MGAT4C: variants seen among roughly 807,000 people sequenced by gnomAD.
MGAT4C encodes alpha-1,3-mannosyl-glycoprotein 4-beta-N-acetylglucosaminyltransferase C.
MGAT4C carries 19 observed loss-of-function variants against 40.1 expected under a neutral mutation model. The observed-to-expected ratio is 0.47, with a 90% CI of 0.33 to 0.70. The LOEUF (loss-of-function observed/expected upper bound fraction) is 0.70, where lower values mean the gene tolerates loss of function less well. Ranked by LOEUF, MGAT4C falls within the 30% of genes least tolerant of loss-of-function variation. The probability of loss-of-function intolerance (pLI) is 0.02; values close to 1 mark genes in which losing one functional copy is unlikely to be tolerated. For synonymous variants in MGAT4C, 181 were observed against 187.1 expected (o/e 0.97, Z 0.27); for missense variants, 491 against 563.2 (o/e 0.87, Z 1.30).
chr12:86,700,018 G>T (rs982561864), intron 2 of MGAT4C, among the ~76,000 whole-genome samples: 1 of 55,572 alleles, frequency 1.8e-5, no homozygotes, highest in Non-Finnish European at 4.3e-5. Context: ...ATGTTGTTCA[G>T]GGGTCAAATT....
intron 3 of MGAT4C, among the ~76,000 whole-genome samples, chr12:86,351,835 T>C (rs1566311826): frequency 6.6e-6 from 1 of 152,084 alleles, no homozygotes; most frequent in Non-Finnish European, 1.5e-5. Context: ...AGAAAAATTC[T>C]GTCAAGGCCA....
chr12:85,989,289 A>C (rs1592620083), intron 3 of MGAT4C, 111 bp downstream of exon 3: 1 of 1,074,880 alleles, frequency 9.3e-7, no homozygotes, highest in East Asian at 2.8e-5. Context: ...AATTTTGCTC[A>C]AACTAAGTCT....
intron 2 of MGAT4C, among the ~76,000 whole-genome samples, chr12:86,571,688 C>A (rs1960373509): frequency 6.6e-6 from 1 of 152,024 alleles, no homozygotes; most frequent in African/African-American, 2.4e-5. Flanking sequence ...AGATTATAAG[C>A]TTTAATCCTA....
chr12:86,178,779 A>T (rs1413425070), intron 1 of MGAT4C, among the ~76,000 whole-genome samples: 1 of 152,136 alleles, frequency 6.6e-6, no homozygotes, highest in East Asian at 1.9e-4. Context: ...ATTATCAGTC[A>T]TGTCCTCAGC....
chr12:86,116,800 A>G (rs1034361310), intron 1 of MGAT4C, among the ~76,000 whole-genome samples: 4 of 152,156 alleles, frequency 2.6e-5, no homozygotes, highest in African/African-American at 9.7e-5. Context: ...AACATACAGG[A>G]TGATTTCACT....
At chr12:86,391,114 A>C (rs1236597035) in intron 3 of MGAT4C, among the ~76,000 whole-genome samples, 2 of 152,158 alleles carry the variant, frequency 1.3e-5, no homozygotes, top group East Asian at 3.9e-4. Context: ...GCAATTTTGC[A>C]ACTGTCAGCA....
chr12:86,446,949 C>T (rs1345794892), intron 2 of MGAT4C, among the ~76,000 whole-genome samples: 1 of 151,502 alleles, frequency 6.6e-6, no homozygotes, highest in African/African-American at 2.4e-5. Context: ...TTTTACTGGG[C>T]CATGCATTAC....
chr12:86,515,251 T>C (rs1958662489), intron 2 of MGAT4C, among the ~76,000 whole-genome samples: 1 of 152,178 alleles, frequency 6.6e-6, no homozygotes, highest in Non-Finnish European at 1.5e-5. Flanking sequence ...AATTCATTTC[T>C]CACTCAATTT....
At chr12:86,641,711 T>A (rs965062130) in intron 2 of MGAT4C, among the ~76,000 whole-genome samples, 37 of 151,746 alleles carry the variant, frequency 2.4e-4, no homozygotes, top group African/African-American at 7.7e-4. Flanking sequence ...AATAGGATTG[T>A]GTGATAACAG....
At chr12:86,476,329 G>A (rs1477507385) in intron 2 of MGAT4C, among the ~76,000 whole-genome samples, 3 of 151,978 alleles carry the variant, frequency 2.0e-5, no homozygotes, top group African/African-American at 7.2e-5. Context: ...AGAAACATAT[G>A]AAACAATGCT....
At chr12:86,558,129 T>G (rs564935625) in intron 2 of MGAT4C, among the ~76,000 whole-genome samples, 52 of 152,176 alleles carry the variant, frequency 3.4e-4, no homozygotes, top group African/African-American at 9.6e-4. Context: ...AAAAAAATTC[T>G]GAACTTGAAA....
intron 1 of MGAT4C, among the ~76,000 whole-genome samples, chr12:86,802,883 A>C (rs1476291546): frequency 7.1e-6 from 1 of 141,092 alleles, no homozygotes; most frequent in African/African-American, 2.6e-5. Context: ...CAAGCTACCA[A>C]TGCCTTTCTT....
rs905262492 is a variant in MGAT4C, at chr12:85,968,586, A to G, written c.*10703T>C. The stretch of plus-strand genomic sequence containing the variant: ...CAACACAGAATAATCTACGCTTGTC[A>G]TCATGTTTTCTAATCTATAATCTTT... On this transcript the variant is annotated 3_prime_UTR_variant, in exon 5 of 5. Transcript: ENST00000611864. 2.0e-5 allele frequency: 3 copies of G among 152,002 alleles called. No homozygotes were observed. Among genetic ancestry groups the G allele is most frequent in the African/African-American group, 4.8e-5 (2 of 41,426 alleles). The allele number at this position is 152,002 out of a possible 1,614,324, so 9.4% of individuals were successfully genotyped here.
At chr12:86,726,063 T>G (rs187563220) in intron 2 of MGAT4C, among the ~76,000 whole-genome samples, 1 of 152,182 alleles carries the variant, frequency 6.6e-6, no homozygotes, top group African/African-American at 2.4e-5. Flanking sequence ...TCGTTTCCAA[T>G]TGAAACTGGA....
chr12:86,722,552 A>G (rs1950754651), intron 2 of MGAT4C, among the ~76,000 whole-genome samples: 1 of 152,206 alleles, frequency 6.6e-6, no homozygotes. Context: ...GACCACCTCA[A>G]AGACTGACCT....
At chr12:86,303,777 C>T (rs1953870644) in intron 4 of MGAT4C, among the ~76,000 whole-genome samples, 1 of 150,292 alleles carries the variant, frequency 6.7e-6, no homozygotes, top group Admixed American at 6.6e-5. Context: ...TTTCATTTTA[C>T]TTTTGCTAGA....
chr12:86,608,151 T>A (rs1205936049), intron 2 of MGAT4C, among the ~76,000 whole-genome samples: 7 of 152,106 alleles, frequency 4.6e-5, no homozygotes, highest in Admixed American at 3.9e-4. Flanking sequence ...AAGTTAGTAA[T>A]CTGATAAGAA....
chr12:86,680,237 AATAT>A (rs1949955894), intron 2 of MGAT4C, among the ~76,000 whole-genome samples: 2 of 152,038 alleles, frequency 1.3e-5, no homozygotes, highest in African/African-American at 2.4e-5. Flanking sequence ...GAAGATTGCT[AATAT>A]ACTTTTAGTA....
intron 2 of MGAT4C, among the ~76,000 whole-genome samples, chr12:86,512,745 A>C (rs1251390473): frequency 6.6e-6 from 1 of 152,126 alleles, no homozygotes; most frequent in African/African-American, 2.4e-5. Context: ...ACAGAAGCAG[A>C]GGGTAGAATG....
Sources: gnomAD v4.1 joint callset for allele counts (sites outside exome capture counted in the v4.1 genomes callset) on GRCh38, gnomAD v4.1.1 for gene constraint, MANE v1.5 for transcripts, NCBI Gene and HGNC (gene_info 2026-07-23, HGNC 2026-07-21) for gene names.